Variants in NAF1 observed in about 807,000 individuals in gnomAD.
The protein encoded by NAF1 is H/ACA ribonucleoprotein complex non-core subunit NAF1.
Under a neutral mutation model 40.6 loss-of-function variants are expected in NAF1, and 11 were observed. The ratio of observed to expected loss-of-function variants is 0.27; its 90% CI spans 0.17 to 0.45. The LOEUF (loss-of-function observed/expected upper bound fraction) is 0.45. Ranked by LOEUF, NAF1 falls within the 20% of genes least tolerant of loss-of-function variation. The pLI is 1.00. For missense variants in NAF1, 607 were observed against 611.1 expected, an observed-to-expected ratio of 0.99 and a Z score of 0.07; for synonymous variants, 260 against 228.5, an observed-to-expected ratio of 1.14 and a Z score of -1.24.
At chr4:163,138,195 T>A (rs940284966) in intron 5 of NAF1, among the ~76,000 whole-genome samples, 2 of 152,132 alleles carry the variant, frequency 1.3e-5, no homozygotes, top group African/African-American at 2.4e-5. Flanking sequence ...TGGCACAACA[T>A]GAAAGTTATT....
At chr4:163,152,946 G>A (rs529525725) in intron 2 of NAF1, among the ~76,000 whole-genome samples, 3 of 152,298 alleles carry the variant, frequency 2.0e-5, no homozygotes, top group East Asian at 1.9e-4. Flanking sequence ...CAGAGCAGCC[G>A]GCCAGCCCTG....
rs1732505307 is a variant in NAF1 at position 163,166,847 on chromosome 4, C to T, written c.-120G>A. 11 of 1,359,752 alleles carry T rather than the reference C, an allele frequency of 8.1e-6. No individual in the cohort carries two copies. The highest frequency in any genetic ancestry group is 2.8e-5 in the Admixed American group (1 of 35,824). 84.2% of individuals were successfully genotyped at this position (1,359,752 alleles called of 1,614,324 possible). A position where few individuals can be genotyped will look rare whatever the true frequency, so the allele number is the denominator to read the frequency against. ...CAGCAACACTGCCTGGGCCCAACTT[C>T]CCGCGTTTCTCAGGTAACTACACGC... On this transcript the variant is annotated 5_prime_UTR_variant, in exon 1 of 8. Transcript: ENST00000274054.
intron 2 of NAF1, among the ~76,000 whole-genome samples, chr4:163,157,629 T>C (rs904978080): frequency 6.6e-6 from 1 of 152,034 alleles, no homozygotes; most frequent in Non-Finnish European, 1.5e-5. Flanking sequence ...CTCGTAACGA[T>C]GGCATTAAAG....
At chr4:163,159,224 T>C (rs140369515) in intron 2 of NAF1, among the ~76,000 whole-genome samples, 13 of 152,230 alleles carry the variant, frequency 8.5e-5, no homozygotes, top group African/African-American at 3.1e-4. Context: ...TATTGAAATA[T>C]TCTGTAAGAT....
At chr4:163,115,526 T>C (rs1730309235) in intron 2 of NAF1, among the ~76,000 whole-genome samples, 1 of 152,180 alleles carries the variant, frequency 6.6e-6, no homozygotes, top group African/African-American at 2.4e-5. Context: ...GCCGTTGCCA[T>C]ACTCAGTATG....
chr4:163,140,936 G>A (rs905353391), intron 4 of NAF1, among the ~76,000 whole-genome samples: 4 of 152,162 alleles, frequency 2.6e-5, no homozygotes, highest in African/African-American at 9.7e-5. Flanking sequence ...CAAAGATGGT[G>A]CAGCCTTTAA....
chr4:163,131,955 G>A (rs1560786428), intron 7 of NAF1, among the ~76,000 whole-genome samples: 1 of 152,138 alleles, frequency 6.6e-6, no homozygotes, highest in Non-Finnish European at 1.5e-5. Flanking sequence ...ATGAACACAT[G>A]GAAAGATGTT....
At position 163,115,209 on chromosome 4, in the gene NAF1, TTA is replaced by T. The variant is rs1186686216; in HGVS notation, c.115-4921_115-4920del. Reference sequence around the variant, plus strand: ...CGATATAGGACAATAATTTTTTTATTTATTTTTTTTTTTTTTTGAGACAGAGT... The same window carrying T: ...CGATATAGGACAATAATTTTTTTATTTTTTTTTTTTTTTTTGAGACAGAGT... On this transcript the variant is annotated intron_variant, in intron 2 of 2. Coordinates refer to the NAF1 transcript ENST00000509434. Among the ~76,000 whole-genome samples the T allele has an allele frequency of 3.6e-4, 27 of 74,310 alleles. 10 individuals are homozygous for T. The highest frequency in any genetic ancestry group is 1.2e-3 in the East Asian group (5 of 4,200). The allele number at this position is 74,310 out of a possible 152,430, so 48.8% of individuals were successfully genotyped here. A position where few individuals can be genotyped will look rare whatever the true frequency, so the allele number is the denominator to read the frequency against.
intron 2 of NAF1, among the ~76,000 whole-genome samples, chr4:163,154,415 G>A (rs1303401775): frequency 6.6e-6 from 1 of 152,212 alleles, no homozygotes; most frequent in Non-Finnish European, 1.5e-5. Flanking sequence ...AGAGGTAAGT[G>A]AAACCATCCT....
At chr4:163,164,524 T>C in intron 1 of NAF1, 133 bp from the exon 2 acceptor site, 1 of 673,408 alleles carries the variant, frequency 1.5e-6, no homozygotes, top group South Asian at 3.3e-5. Context: ...AATAAGATTA[T>C]GCAATTAAGA....
chr4:163,165,145 C>T (rs1047766972), intron 1 of NAF1, among the ~76,000 whole-genome samples: 1 of 152,212 alleles, frequency 6.6e-6, no homozygotes, highest in African/African-American at 2.4e-5. Context: ...TGACGGCATA[C>T]TGGCCACCTT....
At chr4:163,160,720 T>A (rs1320109108) in intron 2 of NAF1, among the ~76,000 whole-genome samples, 2 of 152,208 alleles carry the variant, frequency 1.3e-5, no homozygotes, top group African/African-American at 4.8e-5. Flanking sequence ...ATTGGGCATG[T>A]CTATGTCCAG....
Position 163,166,458 on chromosome 4 carries a change from C to T in NAF1, c.270G>A (p.Pro90=). 6.2e-7 allele frequency: 1 copy of T among 1,605,220 alleles called. No individual in the cohort carries two copies. Among genetic ancestry groups the T allele is most frequent in the Non-Finnish European group, 8.5e-7 (1 of 1,175,908 alleles). ...GGGAGGTGACGCAGTCTCCGCAGGCCGGCGATTCAGCCGGTGGCTGTGGCT... is the reference window on the plus strand; with the variant it reads ...GGGAGGTGACGCAGTCTCCGCAGGCTGGCGATTCAGCCGGTGGCTGTGGCT... The part of the protein sequence containing the change: ...APQPQPPAES[P]ACGDCVTSPG... The change falls in exon 1 of 8, where the codon CCG becomes CCA. Residue 90 remains proline, a synonymous_variant. Transcript: ENST00000274054.
chr4:163,110,431 A>C (rs942993815), intron 2 of NAF1: 10 of 605,948 alleles, frequency 1.7e-5, no homozygotes, highest in Middle Eastern at 4.4e-4. Flanking sequence ...TTCCTAAATT[A>C]ATCTTTATCA....
downstream of NAF1, among the ~76,000 whole-genome samples, chr4:163,107,430 G>A (rs1438681675): frequency 6.6e-6 from 1 of 152,172 alleles, no homozygotes; most frequent in African/African-American, 2.4e-5. Context: ...TCTGTGTCCA[G>A]GTACACTGTG....
At chr4:163,154,025 C>T (rs1409091400) in intron 2 of NAF1, among the ~76,000 whole-genome samples, 4 of 152,088 alleles carry the variant, frequency 2.6e-5, no homozygotes, top group East Asian at 1.9e-4. Flanking sequence ...ACACTCACCG[C>T]GAAGGTCTGC....
chr4:163,139,501 A>C (rs560913035), intron 5 of NAF1, among the ~76,000 whole-genome samples: 2 of 152,310 alleles, frequency 1.3e-5, no homozygotes, highest in East Asian at 3.9e-4. Flanking sequence ...GATATAAAAA[A>C]TTAAATAACA....
intron 2 of NAF1, among the ~76,000 whole-genome samples, chr4:163,112,220 CAGTA>C (rs997619562): frequency 1.8e-4 from 28 of 152,112 alleles, no homozygotes; most frequent in African/African-American, 6.5e-4. Context: ...TTCTCTCTCT[CAGTA>C]AGCAAAGACA....
chr4:163,157,424 G>A (rs1183698034), intron 2 of NAF1: 1 of 151,988 alleles, frequency 6.6e-6, no homozygotes, highest in Non-Finnish European at 1.5e-5. Context: ...CTTCAGACAA[G>A]TCTCTTTCTT....
Sources: gnomAD v4.1 joint callset for allele counts (sites outside exome capture counted in the v4.1 genomes callset) on GRCh38, gnomAD v4.1.1 for gene constraint, MANE v1.5 for transcripts, NCBI Gene and HGNC (gene_info 2026-07-23, HGNC 2026-07-21) for gene names.